Variants in TRPM6 observed in about 807,000 individuals in gnomAD.
TRPM6 encodes channel kinase 2.
In TRPM6, 111 loss-of-function variants were observed where a neutral mutation model predicts 247.6. That is an observed-to-expected ratio of 0.45 (90% CI 0.38 to 0.52). The LOEUF is 0.52. Among genes scored for constraint, TRPM6 ranks in the 20% least tolerant of loss-of-function variants. TRPM6 has a pLI of 0.00. For missense variants in TRPM6, 2,126 were observed against 2,421.5 expected, an observed-to-expected ratio of 0.88 and a Z score of 2.56; for synonymous variants, 892 against 853.8, an observed-to-expected ratio of 1.04 and a Z score of -0.78.
At chr9:74,852,354 A>G (rs1395784432) in intron 3 of TRPM6, among the ~76,000 whole-genome samples, 1 of 150,296 alleles carries the variant, frequency 6.7e-6, no homozygotes, top group Non-Finnish European at 1.5e-5. Flanking sequence ...CACCACACTT[A>G]GCTAAAATTT....
chr9:74,801,809 C>T, intron 16 of TRPM6, 89 bp downstream of exon 16: 1 of 1,517,670 alleles, frequency 6.6e-7, no homozygotes, highest in Admixed American at 1.7e-5. Flanking sequence ...GTCCATTTGT[C>T]CTACAAGTTT....
In TRPM6 at chr9:74,752,285, A is replaced by T; in HGVS notation, c.4990T>A (p.Ser1664Thr). 6.3e-7 allele frequency: 1 copy of T among 1,582,960 alleles called. No individual in the cohort carries two copies. The highest frequency in any genetic ancestry group is 8.7e-7 in the Non-Finnish European group (1 of 1,155,336). ...AIQISDYLKQ[S>T]QEDLSKNSLW... ...TCCTAAAATATTTTTACCTCTTGAG[A>T]CTGCTTTAGGTAATCACTGATTTGT... The change falls in exon 29 of 39, where the codon TCT becomes ACT. Residue 1664 changes from serine to threonine, a missense_variant. By Grantham distance (58) the Ser-to-Thr change is moderately conservative. This residue lies in a region of TRPM6 where 717 missense variants were observed against 715.9 expected (regional missense o/e 1.00). Coordinates refer to ENST00000360774, the MANE Select transcript of TRPM6 (RefSeq NM_017662.5).
intron 37 of TRPM6, among the ~76,000 whole-genome samples, chr9:74,732,182 A>G (rs1442663479): frequency 6.6e-6 from 1 of 152,220 alleles, no homozygotes; most frequent in Non-Finnish European, 1.5e-5. Flanking sequence ...TTTAAGTCAG[A>G]TAATCTGATG....
At chr9:74,814,890 G>C (rs1288698194) in intron 11 of TRPM6, among the ~76,000 whole-genome samples, 1 of 152,160 alleles carries the variant, frequency 6.6e-6, no homozygotes, top group African/African-American at 2.4e-5. Flanking sequence ...GGAGGTTGAA[G>C]TGAGCCGAGA....
chr9:74,821,629 C>T, intron 8 of TRPM6, 40 bp downstream of exon 8: 1 of 1,611,666 alleles, frequency 6.2e-7, no homozygotes, highest in Non-Finnish European at 8.5e-7. Context: ...GAGGAATAAA[C>T]AGCCCCTATA....
In TRPM6 at chr9:74,842,248, A is replaced by G. The variant is rs765783783; in HGVS notation, c.248T>C (p.Val83Ala). ...AKGKESEQWSVEKHTTKSPTD... is the reference protein window; with the variant it reads ...AKGKESEQWSAEKHTTKSPTD... ...TGGGCTTTTCGTTGTGTGCTTTTCA[A>G]CAGACCATTGTTCACTTTCTTTACC... The change falls in exon 4 of 39, where the codon GTT (valine) becomes GCT (alanine). Residue 83 changes from valine (V) to alanine (A), a missense_variant. Around this residue, in one of 3 missense-constraint regions of TRPM6, gnomAD observed 1,082 missense variants for 1,307.9 expected, o/e 0.83. Transcript: ENST00000360774. The G allele has an allele frequency of 1.2e-6, 2 of 1,614,190 alleles. No individual in the cohort carries two copies. The highest frequency in any genetic ancestry group is 2.2e-5 in the South Asian group (2 of 91,086).
At chr9:74,852,543 G>T (rs1184320202) in intron 3 of TRPM6, among the ~76,000 whole-genome samples, 1 of 151,760 alleles carries the variant, frequency 6.6e-6, no homozygotes, top group East Asian at 1.9e-4. Flanking sequence ...CTGATGCCTA[G>T]CCAAGGCGGA....
rs572155418 is a variant in TRPM6, at chr9:74,785,627, A to C, written c.2919+247T>G. Among the ~76,000 whole-genome samples, 8 of 152,020 alleles carry C rather than the reference A, an allele frequency of 5.3e-5. No homozygotes were observed. In the South Asian group the frequency reaches 1.7e-3, roughly 32 times the overall value. Reference sequence around the variant, plus strand: ...AAGCTCCGCCTCCCGGGTTCGTGCTATTCTCCCGCCTCAGCCTCCTGAGTA... The same window carrying C: ...AAGCTCCGCCTCCCGGGTTCGTGCTCTTCTCCCGCCTCAGCCTCCTGAGTA... On this transcript the variant is annotated intron_variant, in intron 21 of 38. Coordinates refer to ENST00000360774, the MANE Select transcript of TRPM6 (RefSeq NM_017662.5).
chr9:74,884,007 G>A (rs1831447466), intron 1 of TRPM6, among the ~76,000 whole-genome samples: 1 of 152,110 alleles, frequency 6.6e-6, no homozygotes, highest in Admixed American at 6.5e-5. Flanking sequence ...AAATTAGCTG[G>A]GCATGGTGGC....
At chr9:74,788,788 T>A in intron 19 of TRPM6, 46 bp from the exon 20 acceptor site, 2 of 1,608,788 alleles carry the variant, frequency 1.2e-6, no homozygotes, top group South Asian at 2.2e-5. Context: ...AGAGCAAGCA[T>A]GGAGCATGCC....
intron 3 of TRPM6, among the ~76,000 whole-genome samples, chr9:74,846,817 G>A (rs988100612): frequency 1.1e-4 from 17 of 152,152 alleles, no homozygotes; most frequent in African/African-American, 4.1e-4. Context: ...CCAACGTGCT[G>A]GGATTACAGT....
chr9:74,750,526 G>T, intron 30 of TRPM6, 138 bp downstream of exon 30: 2 of 799,334 alleles, frequency 2.5e-6, no homozygotes, highest in African/African-American at 1.7e-5. Flanking sequence ...TTTTCATTCT[G>T]CTAACAAGAG....
intron 17 of TRPM6, among the ~76,000 whole-genome samples, chr9:74,799,251 T>C: frequency 6.6e-6 from 1 of 152,220 alleles, no homozygotes; most frequent in South Asian, 2.1e-4. Flanking sequence ...CTAGGAAAAA[T>C]AAAATTAAAA....
At chr9:74,828,010 C>G in intron 6 of TRPM6, 61 bp from the exon 7 acceptor site, 1 of 1,528,082 alleles carries the variant, frequency 6.5e-7, no homozygotes, top group Non-Finnish European at 9.0e-7. Flanking sequence ...GGCTCACCTG[C>G]TCCAAAGGCC....
chr9:74,737,664 A>G (rs976110052), intron 36 of TRPM6, among the ~76,000 whole-genome samples: 1 of 152,188 alleles, frequency 6.6e-6, no homozygotes, highest in African/African-American at 2.4e-5. Context: ...CTGGGCCCAA[A>G]TTCCTATAAT....
At chr9:74,867,722 C>A (rs548864314) in intron 1 of TRPM6, among the ~76,000 whole-genome samples, 1 of 152,260 alleles carries the variant, frequency 6.6e-6, no homozygotes, top group East Asian at 1.9e-4. Context: ...GGAACCAGCC[C>A]TTTACAATCC....
intron 17 of TRPM6, 98 bp downstream of exon 17, chr9:74,800,156 T>C: frequency 8.7e-7 from 1 of 1,148,242 alleles, no homozygotes; most frequent in South Asian, 1.3e-5. Flanking sequence ...ATTAACTGGT[T>C]TTCCTGAAGA....
chr9:74,734,001 A>G (rs569106912), intron 36 of TRPM6, among the ~76,000 whole-genome samples: 33 of 152,378 alleles, frequency 2.2e-4, no homozygotes, highest in African/African-American at 6.5e-4. Flanking sequence ...CTAAACGTAT[A>G]TAAGTCTTCA....
rs546726585 is a variant in TRPM6, at chr9:74,788,368, C to T, written c.2667+246G>A. Among the ~76,000 whole-genome samples the T allele has an allele frequency of 2.0e-5, 3 of 152,240 alleles. No individual in the cohort carries two copies. The East Asian group carries it at 5.8e-4, about 29-fold the overall frequency. ...GGATTGGTAAACACACCAAGATATCCACTTCAAAGATAACTGCTTCCAAAG... is the reference window on the plus strand; with the variant it reads ...GGATTGGTAAACACACCAAGATATCTACTTCAAAGATAACTGCTTCCAAAG... On this transcript the variant is annotated intron_variant, in intron 20 of 38. Coordinates refer to ENST00000360774, the MANE Select transcript of TRPM6 (RefSeq NM_017662.5).
Sources: gnomAD v4.1 joint callset for allele counts (sites outside exome capture counted in the v4.1 genomes callset) on GRCh38, gnomAD v4.1.1 for gene constraint, gnomAD v4.1.1 regional missense constraint, MANE v1.5 for transcripts, NCBI Gene and HGNC (gene_info 2026-07-23, HGNC 2026-07-21) for gene names.